MRTFB: variants seen among roughly 807,000 people sequenced by gnomAD.
MRTFB encodes the protein myocardin-related transcription factor B.
Under a neutral mutation model 104.2 loss-of-function variants are expected in MRTFB, and 29 were observed. The ratio of observed to expected loss-of-function variants is 0.28; its 90% CI spans 0.21 to 0.38. The LOEUF (loss-of-function observed/expected upper bound fraction) is 0.38. Ranked by LOEUF, MRTFB falls within the 10% of genes least tolerant of loss-of-function variation. The probability of loss-of-function intolerance (pLI) is 1.00; values close to 1 mark genes in which losing one functional copy is unlikely to be tolerated. For missense variants in MRTFB, 1,270 were observed against 1,341.6 expected (o/e 0.95, Z 0.83); for synonymous variants, 535 against 519.5 (o/e 1.03, Z -0.41).
At chr16:14,258,515 A>G (rs2043617009) in intron 16 of MRTFB, among the ~76,000 whole-genome samples, 1 of 152,220 alleles carries the variant, frequency 6.6e-6, no homozygotes, top group African/African-American at 2.4e-5. Flanking sequence ...AGATTGCTTG[A>G]GCCCAGGAGG....
In MRTFB at chr16:14,266,306, A is replaced by G. The variant is rs578050571; in HGVS notation, c.*4862A>G. On this transcript the variant is annotated 3_prime_UTR_variant, in exon 17 of 17. Transcript: ENST00000571589. ...AGTAGTAATACAAAGTTTTTTTTCT[A>G]TGTAGAAATTAGTTTTCTTTTCTTG... 3.7e-4 allele frequency: 56 copies of G among 152,170 alleles called. No individual in the cohort carries two copies. Among genetic ancestry groups the G allele is most frequent in the African/African-American group, 1.3e-3 (52 of 41,510 alleles). The allele number at this position is 152,170 out of a possible 1,614,324, so 9.4% of individuals were successfully genotyped here. A position where few individuals can be genotyped will look rare whatever the true frequency, so the allele number is the denominator to read the frequency against.
intron 2 of MRTFB, among the ~76,000 whole-genome samples, chr16:14,090,188 TTC>T (rs1313941024): frequency 6.6e-6 from 1 of 152,230 alleles, no homozygotes; most frequent in African/African-American, 2.4e-5. Flanking sequence ...GCTTGTGCCA[TTC>T]TCTCTCTGTT....
At chr16:14,015,975 A>G in the MRTFB span, 1 of 398,454 alleles carries the variant, frequency 2.5e-6, no homozygotes, top group South Asian at 1.3e-4. Context: ...TGCCTTCACA[A>G]TCCTTCATGT....
intron 2 of MRTFB, among the ~76,000 whole-genome samples, chr16:14,126,316 T>C (rs574688509): frequency 6.6e-6 from 1 of 152,278 alleles, no homozygotes; most frequent in East Asian, 1.9e-4. Context: ...ATATAAATAT[T>C]AATTTCAACC....
chr16:14,107,151 A>G (rs1468918986), intron 2 of MRTFB, among the ~76,000 whole-genome samples: 1 of 152,218 alleles, frequency 6.6e-6, no homozygotes, highest in African/African-American at 2.4e-5. Context: ...CAGCAGAATC[A>G]CTTGAACCTG....
chr16:14,131,107 G>T (rs1482258590), intron 2 of MRTFB, among the ~76,000 whole-genome samples: 1 of 152,138 alleles, frequency 6.6e-6, no homozygotes, highest in Non-Finnish European at 1.5e-5. Flanking sequence ...GTTATACATT[G>T]CTCAAGTTCA....
the MRTFB span, among the ~76,000 whole-genome samples, chr16:14,024,050 C>CA: frequency 0.035 from 4,991 of 140,980 alleles, 239 homozygotes; most frequent in African/African-American, 0.11. Flanking sequence ...GACTCCATCT[C>CA]AAAAAAAAAA....
chr16:14,240,769 A>G (rs1487252522), intron 10 of MRTFB: 1 of 766,132 alleles, frequency 1.3e-6, no homozygotes, highest in Non-Finnish European at 2.4e-6. Flanking sequence ...ACACCAAAAT[A>G]GTACTAGATG....
At chr16:14,045,814 C>T in the MRTFB span, among the ~76,000 whole-genome samples, 5 of 152,138 alleles carry the variant, frequency 3.3e-5, no homozygotes, top group South Asian at 2.1e-4. Context: ...AGTCAAATTG[C>T]GGTGCCTGTG....
At chr16:14,064,470 TA>T in the MRTFB span, among the ~76,000 whole-genome samples, 1 of 152,242 alleles carries the variant, frequency 6.6e-6, no homozygotes, top group African/African-American at 2.4e-5. Flanking sequence ...TTCTTTAGTT[TA>T]ATTAGGTCCC....
At chr16:14,095,370 G>C (rs1418734080) in intron 2 of MRTFB, among the ~76,000 whole-genome samples, 2 of 152,194 alleles carry the variant, frequency 1.3e-5, no homozygotes, top group East Asian at 3.8e-4. Flanking sequence ...AATGGGAAAT[G>C]GCTCTGTGAC....
chr16:14,207,663 G>A (rs1054981791), intron 3 of MRTFB, among the ~76,000 whole-genome samples: 1 of 152,168 alleles, frequency 6.6e-6, no homozygotes, highest in African/African-American at 2.4e-5. Flanking sequence ...AGGAAAGGTG[G>A]TATACCTAGA....
chr16:14,217,012 G>C, intron 6 of MRTFB, 114 bp from the exon 7 acceptor site: 1 of 1,059,092 alleles, frequency 9.4e-7, no homozygotes, highest in Non-Finnish European at 1.3e-6. Context: ...TAAATATGTC[G>C]AGAACACAAA....
chr16:14,155,903 C>G (rs1165571134), intron 3 of MRTFB, among the ~76,000 whole-genome samples: 1 of 152,172 alleles, frequency 6.6e-6, no homozygotes, highest in East Asian at 1.9e-4. Context: ...TTCTGGAACT[C>G]TTTTTCAGCA....
chr16:14,243,344 C>T (rs2042861485), intron 10 of MRTFB, among the ~76,000 whole-genome samples: 1 of 152,202 alleles, frequency 6.6e-6, no homozygotes, highest in Non-Finnish European at 1.5e-5. Flanking sequence ...CACAGGCTTC[C>T]CAGAACTCTT....
chr16:14,089,230 T>G (rs550840484), intron 2 of MRTFB, among the ~76,000 whole-genome samples: 1 of 152,320 alleles, frequency 6.6e-6, no homozygotes, highest in South Asian at 2.1e-4. Context: ...CTCACAGAGT[T>G]GTACACCCAT....
the MRTFB span, among the ~76,000 whole-genome samples, chr16:14,028,554 G>C: frequency 6.6e-6 from 1 of 152,302 alleles, no homozygotes; most frequent in East Asian, 1.9e-4. Context: ...TGGGGACATG[G>C]GGCCCCTTCT....
At chr16:14,172,426 C>G (rs2039452387) in intron 3 of MRTFB, among the ~76,000 whole-genome samples, 2 of 152,080 alleles carry the variant, frequency 1.3e-5, no homozygotes, top group Admixed American at 6.5e-5. Context: ...TTTATTCAGC[C>G]AGTCTCCTAT....
Position 14,246,454 on chromosome 16 carries a change from G to C in MRTFB, c.1213-19G>C, listed in dbSNP as rs374850055. Reference sequence around the variant, plus strand: ...AGAAAGCTCTAATACTAAGATATCTGCTTTGTTTGTACCTCCAGGTATCAG... The same window carrying C: ...AGAAAGCTCTAATACTAAGATATCTCCTTTGTTTGTACCTCCAGGTATCAG... On this transcript the variant is annotated intron_variant, in intron 11 of 16. Transcript: ENST00000571589. 4 of 1,610,274 alleles carry C rather than the reference G, an allele frequency of 2.5e-6. No homozygotes were observed. In the African/African-American group the frequency reaches 5.3e-5, roughly 22 times the overall value.
Sources: gnomAD v4.1 joint callset for allele counts (sites outside exome capture counted in the v4.1 genomes callset) on GRCh38, gnomAD v4.1.1 for gene constraint, MANE v1.5 for transcripts, NCBI Gene and HGNC (gene_info 2026-07-23, HGNC 2026-07-21) for gene names.